The following GDAP1 variants were observed in gnomAD, a reference collection of about 807,000 sequenced individuals.
The protein encoded by GDAP1 is ganglioside-induced differentiation-associated protein 1.
GDAP1 carries 34 observed loss-of-function variants against 40.1 expected under a neutral mutation model. That is an observed-to-expected ratio of 0.85 (90% CI 0.64 to 1.13). GDAP1 has a LOEUF of 1.13. GDAP1 is among the 50% of genes most tolerant of loss of function. GDAP1 has a pLI of 0.00. For synonymous variants in GDAP1, 170 were observed against 157.4 expected (o/e 1.08, Z -0.60); for missense variants, 374 against 433.7 (o/e 0.86, Z 1.22).
intron 2 of GDAP1, among the ~76,000 whole-genome samples, chr8:74,374,981 A>G (rs1044142641): frequency 1.3e-5 from 2 of 152,208 alleles, no homozygotes; most frequent in Non-Finnish European, 2.9e-5. Flanking sequence ...AGTGCTTAAC[A>G]AAATTATCTT....
chr8:74,357,358 T>C (rs1809151348), intron 2 of GDAP1, among the ~76,000 whole-genome samples: 1 of 152,208 alleles, frequency 6.6e-6, no homozygotes, highest in Non-Finnish European at 1.5e-5. Context: ...TCTTTTTATG[T>C]TTTACTCTTG....
At chr8:74,473,602 GTTATAGGTGTATAAGGCTGTAGCC>G (rs1249515435) in intron 2 of GDAP1, among the ~76,000 whole-genome samples, 1 of 152,094 alleles carries the variant, frequency 6.6e-6, no homozygotes, top group African/African-American at 2.4e-5. Context: ...AGATCAGATG[GTTATAGGTGTATAAGGCTGTAGCC>G]TTATTTCTGG....
At chr8:74,362,033 CTT>C in intron 4 of GDAP1, 55 bp downstream of exon 4, 1 of 926,074 alleles carries the variant, frequency 1.1e-6, no homozygotes, top group Non-Finnish European at 1.8e-6. Flanking sequence ...AAATGTTCTA[CTT>C]TTTGTAAAGT....
At chr8:74,370,984 C>T (rs559622780), downstream of GDAP1, among the ~76,000 whole-genome samples, 1 of 152,218 alleles carries the variant, frequency 6.6e-6, no homozygotes, top group East Asian at 1.9e-4. Context: ...TCTGACAGAA[C>T]CAATGGAAAA....
chr8:74,367,420 T>G (rs892783460), downstream of GDAP1, among the ~76,000 whole-genome samples: 2 of 152,194 alleles, frequency 1.3e-5, no homozygotes, highest in African/African-American at 4.8e-5. Context: ...AATGCAAGTC[T>G]AATTGGCATT....
chr8:74,400,414 C>T (rs1810305169), intron 2 of GDAP1, among the ~76,000 whole-genome samples: 1 of 149,592 alleles, frequency 6.7e-6, no homozygotes, highest in African/African-American at 2.6e-5. Context: ...GGTAGATCTT[C>T]CTCCATCCTT....
intron 2 of GDAP1, among the ~76,000 whole-genome samples, chr8:74,358,034 G>A (rs1455197893): frequency 1.3e-5 from 2 of 152,180 alleles, no homozygotes; most frequent in African/African-American, 4.8e-5. Context: ...TACTGGAGAG[G>A]GCATGCTTGA....
In GDAP1 at chr8:74,363,025, A is replaced by C; in HGVS notation, c.666A>C (p.Glu222Asp). 1 of 1,553,222 alleles carries C rather than the reference A, an allele frequency of 6.4e-7. No homozygotes were observed. Among genetic ancestry groups the C allele is most frequent in the African/African-American group, 1.4e-5 (1 of 73,850 alleles). Residue 222 changes from glutamate to aspartate, a missense_variant, in exon 5 of 6, where the codon GAA becomes GAC. Glu to Asp is a conservative substitution (Grantham distance 45). Coordinates refer to ENST00000220822, the MANE Select transcript of GDAP1 (RefSeq NM_018972.4). ...LEKVLDQVET[E>D]LQRRNEETPE... ...AAGTCTTGGATCAGGTTGAAACTGA[A>C]TTGCAAAGAAGAAATGAAGAAACCC... is the stretch of plus-strand genomic sequence containing the variant.
At chr8:74,420,847 G>A (rs893500150) in intron 2 of GDAP1, among the ~76,000 whole-genome samples, 4 of 151,804 alleles carry the variant, frequency 2.6e-5, no homozygotes, top group African/African-American at 9.7e-5. Context: ...AGTGGTTAAT[G>A]CTTTTTATTT....
At chr8:74,472,923 T>C (rs1337125657) in intron 2 of GDAP1, among the ~76,000 whole-genome samples, 1 of 151,424 alleles carries the variant, frequency 6.6e-6, no homozygotes, top group Non-Finnish European at 1.5e-5. Flanking sequence ...AATTTTTGTA[T>C]TTTTTTTGTA....
chr8:74,460,065 G>A lies in GDAP1; in HGVS notation c.166-28613G>A, dbSNP rs187292801. ...ATCTAGTCTTTAATAAGGATAAAGT[G>A]CATCAGATATCCTGAGATACTATCC... On this transcript the variant is annotated intron_variant, in intron 2 of 2. Transcript: ENST00000523640. Among the ~76,000 whole-genome samples the A allele has an allele frequency of 2.0e-3, 305 of 152,252 alleles. 1 individual carries two copies. The highest frequency in any genetic ancestry group is 1.7e-3 in the Non-Finnish European group (113 of 68,018).
At chr8:74,483,902 G>A (rs918885478) in intron 2 of GDAP1, among the ~76,000 whole-genome samples, 3 of 152,168 alleles carry the variant, frequency 2.0e-5, no homozygotes, top group Non-Finnish European at 4.4e-5. Flanking sequence ...GTTGGCCAAA[G>A]ACTTCTTTCC....
At chr8:74,430,806 A>C (rs1806016679) in intron 2 of GDAP1, among the ~76,000 whole-genome samples, 2 of 152,024 alleles carry the variant, frequency 1.3e-5, no homozygotes, top group South Asian at 4.2e-4. Flanking sequence ...TTTAAGGCAC[A>C]ATTGTTGTTG....
Position 74,366,494 on chromosome 8 carries a change from G to C in GDAP1, c.*2127G>C, listed in dbSNP as rs1469340116. The stretch of plus-strand genomic sequence containing the variant: ...GGATTACAGTATCACACAATGTCAA[G>C]CTAGAGTTAAACACAGTATTAGCTA... On this transcript the variant is annotated 3_prime_UTR_variant, in exon 6 of 6. Transcript: ENST00000220822. 2 of 454,322 alleles carry C rather than the reference G, an allele frequency of 4.4e-6. No homozygotes were observed. Among genetic ancestry groups the C allele is most frequent in the African/African-American group, 2.0e-5 (1 of 50,006 alleles). The allele number at this position is 454,322 out of a possible 1,614,324, so 28.1% of individuals were successfully genotyped here. A position where few individuals can be genotyped will look rare whatever the true frequency, so the allele number is the denominator to read the frequency against.
intron 2 of GDAP1, among the ~76,000 whole-genome samples, chr8:74,441,951 C>T (rs1806167435): frequency 6.6e-6 from 1 of 152,192 alleles, no homozygotes; most frequent in African/African-American, 2.4e-5. Context: ...ATTTATCAGA[C>T]TGAAATATGA....
At chr8:74,370,294 T>C (rs918483676), downstream of GDAP1, among the ~76,000 whole-genome samples, 3 of 152,190 alleles carry the variant, frequency 2.0e-5, no homozygotes, top group African/African-American at 4.8e-5. Flanking sequence ...GAAGTAAATA[T>C]ATGAAAAACA....
chr8:74,457,722 A>T (rs1351915498), intron 2 of GDAP1, among the ~76,000 whole-genome samples: 3 of 152,224 alleles, frequency 2.0e-5, no homozygotes, highest in Admixed American at 6.5e-5. Flanking sequence ...CTTTTTCCAA[A>T]GAAGACTTAG....
chr8:74,359,987 AAT>A, intron 2 of GDAP1, 148 bp from the exon 3 acceptor site: 117 of 534 alleles, frequency 0.22, 58 homozygotes, highest in East Asian at 0.46. Context: ...TCAAACTTTG[AAT>A]GAATGTCTGA....
chr8:74,459,995 A>G (rs1425883662), intron 2 of GDAP1, among the ~76,000 whole-genome samples: 1 of 152,170 alleles, frequency 6.6e-6, no homozygotes, highest in East Asian at 1.9e-4. Context: ...TCTTCAGGCA[A>G]TTTATCTGTG....
Sources: gnomAD v4.1 joint callset for allele counts (sites outside exome capture counted in the v4.1 genomes callset) on GRCh38, gnomAD v4.1.1 for gene constraint, MANE v1.5 for transcripts, NCBI Gene and HGNC (gene_info 2026-07-23, HGNC 2026-07-21) for gene names.